MLIP: variants seen among roughly 807,000 people sequenced by gnomAD.
The protein encoded by MLIP is muscular LMNA-interacting protein.
Under a neutral mutation model 84.8 loss-of-function variants are expected in MLIP, and 79 were observed. The ratio of observed to expected loss-of-function variants is 0.93; its 90% CI spans 0.78 to 1.12. The LOEUF is 1.12. MLIP is among the 50% of genes most tolerant of loss of function. MLIP has a pLI of 0.00. For missense variants in MLIP, 1,257 were observed against 1,160.6 expected (o/e 1.08, Z -1.21); for synonymous variants, 504 against 463.0 (o/e 1.09, Z -1.14).
intron 1 of MLIP, among the ~76,000 whole-genome samples, chr6:54,044,350 T>C (rs1021348154): frequency 6.6e-6 from 1 of 152,210 alleles, no homozygotes; most frequent in African/African-American, 2.4e-5. Flanking sequence ...CTAAGCATGA[T>C]GGATTGGATG....
chr6:54,224,199 TGTTA>T (rs1262694788), intron 11 of MLIP, among the ~76,000 whole-genome samples: 34 of 152,110 alleles, frequency 2.2e-4, no homozygotes, highest in Non-Finnish European at 2.9e-4. Flanking sequence ...AATAGCAAAC[TGTTA>T]GTTAAACAGA....
chr6:54,216,166 T>C, intron 11 of MLIP: 1 of 985,372 alleles, frequency 1.0e-6, no homozygotes, highest in Non-Finnish European at 1.2e-6. Flanking sequence ...AAGACTTAAA[T>C]GTTTCTTGTT....
intron 12 of MLIP, among the ~76,000 whole-genome samples, chr6:54,236,956 G>T (rs1275910140): frequency 6.6e-6 from 1 of 151,994 alleles, no homozygotes; most frequent in Non-Finnish European, 1.5e-5. Flanking sequence ...ACCTAATCCA[G>T]GTTTTCCCCA....
At chr6:54,199,338 T>G (rs1203378503) in intron 10 of MLIP, among the ~76,000 whole-genome samples, 2 of 152,188 alleles carry the variant, frequency 1.3e-5, no homozygotes, top group Non-Finnish European at 2.9e-5. Context: ...GACTTTGGCA[T>G]GTGACTTATT....
Position 54,119,112 on chromosome 6 carries a change from C to G in MLIP, c.97-2335C>G, listed in dbSNP as rs145279843. Among the ~76,000 whole-genome samples, 204 of 152,296 alleles carry G rather than the reference C, an allele frequency of 1.3e-3. 1 individual carries two copies. The highest frequency in any genetic ancestry group is 4.7e-3 in the African/African-American group (194 of 41,566). ...TGGTGAGAGTGTTCATTGGTACATTCATTGTGGAAACGGTATGGAGGTTCC... is the reference window on the plus strand; with the variant it reads ...TGGTGAGAGTGTTCATTGGTACATTGATTGTGGAAACGGTATGGAGGTTCC... On this transcript the variant is annotated intron_variant, in intron 1 of 13. Transcript: ENST00000502396.
At chr6:54,033,841 T>TG (rs1764276690) in intron 1 of MLIP, among the ~76,000 whole-genome samples, 1 of 152,188 alleles carries the variant, frequency 6.6e-6, no homozygotes, top group Admixed American at 6.6e-5. Flanking sequence ...CTTGAAAAAT[T>TG]GGACTAATGT....
At position 54,202,159 on chromosome 6, in the gene MLIP, A is replaced by T. The variant is rs1014269726; in HGVS notation, c.2644A>T (p.Lys882Ter). ...VPVKSRILLKKEEEVYEPNPF... is the reference protein window; with the variant it reads ...VPVKSRILLK Reference sequence around the variant, plus strand: ...TGTAAAATCCAGAATATTACTGAAAAAAGAGGAGGAAGTCTATGAACCCAA... The same window carrying T: ...TGTAAAATCCAGAATATTACTGAAATAAGAGGAGGAAGTCTATGAACCCAA... Residue 882 changes from lysine to a stop codon, truncating the protein, a stop_gained, in exon 11 of 14, where the codon AAA becomes TAA. Coordinates refer to ENST00000502396, the MANE Select transcript of MLIP (RefSeq NM_001281747.2). LOFTEE classifies it high-confidence loss of function. The T allele has an allele frequency of 6.2e-7, 1 of 1,603,622 alleles. No individual in the cohort carries two copies. Among genetic ancestry groups the T allele is most frequent in the Non-Finnish European group, 8.5e-7 (1 of 1,173,978 alleles).
At chr6:54,174,065 A>T (rs1380371577) in intron 9 of MLIP, among the ~76,000 whole-genome samples, 1 of 152,008 alleles carries the variant, frequency 6.6e-6, no homozygotes, top group East Asian at 1.9e-4. Flanking sequence ...AAATGACAGG[A>T]TCTCATTCTT....
chr6:54,186,917 G>A lies in MLIP; in HGVS notation c.2545-2953G>A, dbSNP rs547149638. 9.2e-5 allele frequency among the ~76,000 whole-genome samples: 14 copies of A among 152,202 alleles called. No homozygotes were observed. In the South Asian group the frequency reaches 2.3e-3, roughly 25 times the overall value. ...CTAGGTGCCAGGACCCGAGAGCTTA[G>A]GTTCTAACTTTCACTGTGTAACAAG... On this transcript the variant is annotated intron_variant, in intron 9 of 13. Coordinates refer to ENST00000502396, the MANE Select transcript of MLIP (RefSeq NM_001281747.2).
At chr6:54,024,988 C>T (rs954271226) in intron 1 of MLIP, among the ~76,000 whole-genome samples, 4 of 148,700 alleles carry the variant, frequency 2.7e-5, no homozygotes, top group Non-Finnish European at 4.4e-5. Context: ...CAGGCACATG[C>T]TGCCATGCCC....
intron 1 of MLIP, among the ~76,000 whole-genome samples, chr6:54,070,368 G>C (rs969354651): frequency 1.3e-5 from 2 of 152,022 alleles, no homozygotes; most frequent in East Asian, 3.9e-4. Flanking sequence ...TAATGGATTG[G>C]TAAGAATCCA....
At chr6:54,158,387 C>T (rs761240391) in intron 5 of MLIP, among the ~76,000 whole-genome samples, 6 of 152,018 alleles carry the variant, frequency 3.9e-5, no homozygotes, top group Admixed American at 1.3e-4. Flanking sequence ...ATTCAAGCGA[C>T]GATATTTCTC....
intron 11 of MLIP, among the ~76,000 whole-genome samples, chr6:54,221,722 T>TA (rs5876373): frequency 0.98 from 148,564 of 152,122 alleles, 72,638 homozygotes; most frequent in East Asian, 1. Context: ...ATAGATCAAA[T>TA]AAAAATAGGC....
chr6:54,173,861 C>T (rs997710314), intron 9 of MLIP, among the ~76,000 whole-genome samples: 1 of 151,652 alleles, frequency 6.6e-6, no homozygotes, highest in African/African-American at 2.4e-5. Context: ...CGATAACCAT[C>T]CCCACCTCCC....
chr6:54,241,619 T>C (rs1781742747), intron 12 of MLIP, among the ~76,000 whole-genome samples: 1 of 152,178 alleles, frequency 6.6e-6, no homozygotes, highest in Non-Finnish European at 1.5e-5. Flanking sequence ...AGTGCCCTTT[T>C]CATAAAGATA....
intron 9 of MLIP, among the ~76,000 whole-genome samples, chr6:54,184,601 A>G (rs1777210197): frequency 2.0e-5 from 3 of 152,188 alleles, no homozygotes; most frequent in African/African-American, 7.2e-5. Context: ...TGCCTTGTGT[A>G]GGAATTTGTC....
At position 54,231,464 on chromosome 6, in the gene MLIP, T is replaced by G. The variant is rs1194589493; in HGVS notation, c.2922+547T>G. On this transcript the variant is annotated intron_variant, in intron 12 of 13. Coordinates refer to ENST00000502396, the MANE Select transcript of MLIP (RefSeq NM_001281747.2). Reference sequence around the variant, plus strand: ...AAGTGTTTCGTACCTGAAGTGTGTGTGTGCGTGTGTGTGCGTGTGTCTGTC... The same window carrying G: ...AAGTGTTTCGTACCTGAAGTGTGTGGGTGCGTGTGTGTGCGTGTGTCTGTC... Among the ~76,000 whole-genome samples the G allele has an allele frequency of 3.5e-5, 3 of 86,130 alleles. No individual in the cohort carries two copies. The East Asian group carries it at 1.2e-3, about 36-fold the overall frequency. The allele number at this position is 86,130 out of a possible 152,430, so 56.5% of individuals were successfully genotyped here.
chr6:54,257,326 G>A lies in MLIP; in HGVS notation c.2941G>A (p.Ala981Thr), dbSNP rs756118536. 2 of 1,612,474 alleles carry A rather than the reference G, an allele frequency of 1.2e-6. No homozygotes were observed. The highest frequency in any genetic ancestry group is 1.7e-6 in the Non-Finnish European group (2 of 1,178,930). The change falls in exon 13 of 14, where the codon GCT (alanine) becomes ACT (threonine). Residue 981 changes from alanine to threonine, a missense_variant. Ala to Thr is a moderately conservative substitution (Grantham distance 58). Coordinates refer to ENST00000502396, the MANE Select transcript of MLIP (RefSeq NM_001281747.2). ...TGTGAAGCTGAGTCATCCAATGGTG[G>A]CTATTCCTGAACATGAAGCTCTTGA... The part of the protein sequence containing the change: ...ACNKLSHPMV[A>T]IPEHEALDSK...
Position 54,161,024 on chromosome 6 carries a change from G to A in MLIP, c.2499+225G>A, listed in dbSNP as rs114555529. The stretch of plus-strand genomic sequence containing the variant: ...TGTGCACATATAATGCAAGGTAAGT[G>A]TATACAGGGTTGCAAAGTAAAATCT... On this transcript the variant is annotated intron_variant, in intron 8 of 13. Coordinates refer to ENST00000502396, the MANE Select transcript of MLIP (RefSeq NM_001281747.2). Among the ~76,000 whole-genome samples the A allele has an allele frequency of 8.0e-3, 1,212 of 152,076 alleles. 5 individuals carry two copies. Among genetic ancestry groups the A allele is most frequent in the Non-Finnish European group, 0.013 (900 of 67,930 alleles).
Sources: allele counts gnomAD v4.1 joint callset (sites outside exome capture counted in the v4.1 genomes callset), GRCh38; gene constraint gnomAD v4.1.1; transcripts MANE v1.5; gene names NCBI Gene and HGNC (gene_info 2026-07-23, HGNC 2026-07-21).